Variants in SDK1 observed in about 807,000 individuals in gnomAD.
SDK1 encodes protein sidekick-1.
A neutral mutation model predicts 245.5 loss-of-function variants in SDK1; 157 were observed. The ratio of observed to expected loss-of-function variants is 0.64; its 90% CI spans 0.56 to 0.73. The LOEUF is 0.73. SDK1 is among the 30% of genes least tolerant of loss of function. SDK1 has a pLI of 0.00. For missense variants in SDK1, 3,583 were observed against 3,002.3 expected (o/e 1.19, Z -4.52); for synonymous variants, 1,647 against 1,278.5 (o/e 1.29, Z -6.15).
rs118004150 is a variant in SDK1 at position 3,648,030 on chromosome 7, C to T, written c.713+5925C>T. Among the ~76,000 whole-genome samples the T allele has an allele frequency of 5.2e-3, 797 of 152,164 alleles. 3 individuals are homozygous for T. Among genetic ancestry groups the T allele is most frequent in the Admixed American group, 7.9e-3 (121 of 15,282 alleles). ...CAGGTTTTATCTGAGAAGTTGAAAA[C>T]CCCATACATTTATTTTTCTGATTTA... On this transcript the variant is annotated intron_variant, in intron 4 of 44. Transcript: ENST00000404826.
intron 4 of SDK1, among the ~76,000 whole-genome samples, chr7:3,792,763 C>T (rs1222347986): frequency 1.3e-5 from 2 of 152,102 alleles, no homozygotes; most frequent in Non-Finnish European, 2.9e-5. Flanking sequence ...CCTCCCCCTC[C>T]AGTCTCCCAT....
chr7:3,613,308 A>C (rs1781664071), intron 1 of SDK1, among the ~76,000 whole-genome samples: 1 of 152,164 alleles, frequency 6.6e-6, no homozygotes, highest in Non-Finnish European at 1.5e-5. Context: ...CCCTTTCTAG[A>C]TGAGCAGAAG....
chr7:3,656,185 T>A (rs1024757900), intron 4 of SDK1, among the ~76,000 whole-genome samples: 23 of 152,190 alleles, frequency 1.5e-4, no homozygotes, highest in African/African-American at 5.3e-4. Flanking sequence ...TAAGTAGATA[T>A]GCCCCCTCCA....
intron 22 of SDK1, among the ~76,000 whole-genome samples, chr7:4,082,868 G>A (rs569164307): frequency 6.6e-6 from 1 of 152,186 alleles, no homozygotes; most frequent in East Asian, 1.9e-4. Flanking sequence ...CGATCTGTCA[G>A]CCTCGGCCTC....
intron 4 of SDK1, among the ~76,000 whole-genome samples, chr7:3,644,833 A>G (rs1782776795): frequency 6.7e-6 from 1 of 149,242 alleles, no homozygotes; most frequent in Admixed American, 6.7e-5. Context: ...GTGGCAGGCA[A>G]GATACATTCT....
chr7:3,546,525 G>A (rs1275469012), intron 1 of SDK1, among the ~76,000 whole-genome samples: 1 of 152,230 alleles, frequency 6.6e-6, no homozygotes, highest in African/African-American at 2.4e-5. Context: ...ACACAGCTCT[G>A]TACCAGGTAG....
chr7:4,159,638 C>G (rs759075127), intron 31 of SDK1, among the ~76,000 whole-genome samples: 1 of 152,204 alleles, frequency 6.6e-6, no homozygotes, highest in Non-Finnish European at 1.5e-5. Context: ...TGGGGTGGTC[C>G]AGGGCCCTAG....
chr7:3,891,052 GTGGAGCCATCAC>G (rs1179172012), intron 5 of SDK1, among the ~76,000 whole-genome samples: 1 of 152,202 alleles, frequency 6.6e-6, no homozygotes, highest in Non-Finnish European at 1.5e-5. Flanking sequence ...CCAGGCTCTG[GTGGAGCCATCAC>G]TGTCTAGAGC....
intron 17 of SDK1, among the ~76,000 whole-genome samples, chr7:4,042,130 A>C (rs1788682592): frequency 7.4e-6 from 1 of 136,000 alleles, no homozygotes; most frequent in African/African-American, 3.4e-5. Flanking sequence ...CAAATGTTTG[A>C]ATGGCTGTAA....
At chr7:4,119,358 G>A (rs2128193727) in intron 25 of SDK1, among the ~76,000 whole-genome samples, 1 of 148,334 alleles carries the variant, frequency 6.7e-6, no homozygotes, top group East Asian at 1.9e-4. Context: ...GGGAGGCTGA[G>A]GCAGGAGAAC....
At chr7:4,127,704 T>C (rs651245) in intron 26 of SDK1, among the ~76,000 whole-genome samples, 103,848 of 152,210 alleles carry the variant, frequency 0.68, 36,440 homozygotes, top group East Asian at 0.89. Flanking sequence ...ATGACACAAA[T>C]GCCAAAACAG....
intron 4 of SDK1, among the ~76,000 whole-genome samples, chr7:3,778,740 A>T (rs1355614646): frequency 6.6e-6 from 1 of 152,232 alleles, no homozygotes; most frequent in Non-Finnish European, 1.5e-5. Context: ...CTTTAAACAT[A>T]AGCTTAAACA....
At chr7:3,452,747 C>T (rs188776536) in intron 1 of SDK1, among the ~76,000 whole-genome samples, 1 of 152,186 alleles carries the variant, frequency 6.6e-6, no homozygotes, top group African/African-American at 2.4e-5. Context: ...CCCTCCCCTC[C>T]TCCACCACCC....
intron 36 of SDK1, among the ~76,000 whole-genome samples, chr7:4,207,420 T>C (rs1484960511): frequency 6.6e-6 from 1 of 152,166 alleles, no homozygotes; most frequent in Non-Finnish European, 1.5e-5. Context: ...TTTAAACCTT[T>C]GTGCTTGGGC....
intron 1 of SDK1, among the ~76,000 whole-genome samples, chr7:3,594,638 G>A (rs1479406010): frequency 1.3e-5 from 2 of 152,080 alleles, no homozygotes; most frequent in Admixed American, 1.3e-4. Flanking sequence ...CACTTTACTG[G>A]GTGGTTTGGG....
Position 4,202,121 on chromosome 7 carries a change from A to G in SDK1, c.5099-3758A>G, listed in dbSNP as rs777275130. 1.3e-3 allele frequency among the ~76,000 whole-genome samples: 201 copies of G among 152,114 alleles called. 4 individuals are homozygous for G. Among genetic ancestry groups the G allele is most frequent in the Non-Finnish European group, 4.1e-4 (28 of 68,024 alleles). ...GAAACATCCACATCCCTAGCTGGAC[A>G]TGCTCTCTGGGCCCCGACCCTGTCC... On this transcript the variant is annotated intron_variant, in intron 35 of 44. Transcript: ENST00000404826.
At position 4,136,445 on chromosome 7, in the gene SDK1, G is replaced by T. The variant is rs111841638; in HGVS notation, c.4228+4022G>T. 2.2e-3 allele frequency among the ~76,000 whole-genome samples: 331 copies of T among 152,278 alleles called. 1 individual carries two copies. The highest frequency in any genetic ancestry group is 7.8e-3 in the African/African-American group (323 of 41,542). ...TTCTGAGTACATAAACACCTCTGCC[G>T]CCCGAGCTTTTGTAATCTATATCAA... On this transcript the variant is annotated intron_variant, in intron 28 of 44. Coordinates refer to ENST00000404826, the MANE Select transcript of SDK1 (RefSeq NM_152744.4).
chr7:4,247,287 T>G (rs1786939923), intron 44 of SDK1, among the ~76,000 whole-genome samples: 1 of 152,106 alleles, frequency 6.6e-6, no homozygotes, highest in Non-Finnish European at 1.5e-5. Context: ...GTGGGTGTGG[T>G]GAGGCCGATT....
At chr7:3,430,189 G>A (rs78485907) in intron 1 of SDK1, among the ~76,000 whole-genome samples, 1 of 152,154 alleles carries the variant, frequency 6.6e-6, no homozygotes. Flanking sequence ...AGAAGGAGCC[G>A]TTTCAGCGAG....
Sources: allele counts gnomAD v4.1 joint callset (sites outside exome capture counted in the v4.1 genomes callset), GRCh38; gene constraint gnomAD v4.1.1; transcripts MANE v1.5; gene names NCBI Gene and HGNC (gene_info 2026-07-23, HGNC 2026-07-21).